The following ZNF385B variants were observed in gnomAD, a reference collection of about 807,000 sequenced individuals.
ZNF385B encodes zinc finger protein 533.
ZNF385B carries 23 observed loss-of-function variants against 39.2 expected under a neutral mutation model. That is an observed-to-expected ratio of 0.59 (90% CI 0.42 to 0.83). The LOEUF is 0.83. ZNF385B is among the 40% of genes least tolerant of loss of function. The pLI is 0.00. For missense variants in ZNF385B, 552 were observed against 598.9 expected, an observed-to-expected ratio of 0.92 and a Z score of 0.82; for synonymous variants, 205 against 222.6, an observed-to-expected ratio of 0.92 and a Z score of 0.70.
chr2:179,818,607 T>A (rs1218090183), intron 1 of ZNF385B, among the ~76,000 whole-genome samples: 1 of 152,128 alleles, frequency 6.6e-6, no homozygotes, highest in Non-Finnish European at 1.5e-5. Context: ...GCAAGAAACG[T>A]TTCAGCTTTC....
At chr2:179,467,020 T>TGGCATTA (rs1298601191) in intron 6 of ZNF385B, among the ~76,000 whole-genome samples, 1 of 149,352 alleles carries the variant, frequency 6.7e-6, no homozygotes, top group Non-Finnish European at 1.5e-5. Context: ...GAATGTCCTG[T>TGGCATTA]GGCATTATTT....
At chr2:179,557,560 TTATA>T (rs1559473164) in intron 3 of ZNF385B, among the ~76,000 whole-genome samples, 1 of 105,158 alleles carries the variant, frequency 9.5e-6, no homozygotes, top group Admixed American at 1.0e-4. Flanking sequence ...TATATACATG[TTATA>T]TATGTATGTT....
At chr2:179,607,908 CTTTTTTT>C (rs71029822) in intron 3 of ZNF385B, among the ~76,000 whole-genome samples, 4 of 97,452 alleles carry the variant, frequency 4.1e-5, no homozygotes, top group Non-Finnish European at 3.9e-5. Context: ...CTCAGAAACT[CTTTTTTT>C]TTTTTTTTTT....
At chr2:179,614,563 A>G (rs1224465434) in intron 3 of ZNF385B, among the ~76,000 whole-genome samples, 3 of 152,200 alleles carry the variant, frequency 2.0e-5, no homozygotes, top group Non-Finnish European at 2.9e-5. Context: ...ATACACTTGT[A>G]TTACTCCAGT....
At chr2:179,578,314 A>G (rs565633174) in intron 3 of ZNF385B, among the ~76,000 whole-genome samples, 1 of 152,250 alleles carries the variant, frequency 6.6e-6, no homozygotes, top group South Asian at 2.1e-4. Context: ...TACAAGGGCA[A>G]TAAATGAGTT....
At chr2:179,780,663 A>C (rs1441666861) in intron 1 of ZNF385B, among the ~76,000 whole-genome samples, 1 of 152,162 alleles carries the variant, frequency 6.6e-6, no homozygotes, top group Non-Finnish European at 1.5e-5. Context: ...TCTCTAAGAA[A>C]ATTTTTTATT....
intron 3 of ZNF385B, among the ~76,000 whole-genome samples, chr2:179,692,086 C>G (rs1698398546): frequency 6.6e-6 from 1 of 152,028 alleles, no homozygotes; most frequent in African/African-American, 2.4e-5. Context: ...ATTGTACTAC[C>G]AAACACTAGA....
chr2:179,816,354 C>T (rs574119346), intron 1 of ZNF385B, among the ~76,000 whole-genome samples: 7 of 152,288 alleles, frequency 4.6e-5, no homozygotes, highest in Admixed American at 1.3e-4. Flanking sequence ...CCTTGGTCCC[C>T]GCCGAAGGGA....
chr2:179,582,492 A>G lies in ZNF385B; in HGVS notation c.299-37523T>C, dbSNP rs118063799. ...ACACTGAGCATGCACGATAACTCAG[A>G]AACAGATCAGATGGGGTTTTTTGAG... On this transcript the variant is annotated intron_variant, in intron 3 of 9. Transcript: ENST00000410066. 3.9e-5 allele frequency among the ~76,000 whole-genome samples: 6 copies of G among 152,294 alleles called. No individual in the cohort carries two copies. The East Asian group carries it at 1.2e-3, about 29-fold the overall frequency.
chr2:179,513,146 T>C (rs2057810486), intron 5 of ZNF385B, among the ~76,000 whole-genome samples: 1 of 152,208 alleles, frequency 6.6e-6, no homozygotes, highest in Admixed American at 6.5e-5. Flanking sequence ...CAGGCTGATT[T>C]AGAAATGTTA....
chr2:179,745,684 C>A, intron 3 of ZNF385B: 2 of 1,531,282 alleles, frequency 1.3e-6, no homozygotes, highest in Admixed American at 2.1e-5. Flanking sequence ...CAGACCCCAG[C>A]ATCCAAGTTT....
intron 3 of ZNF385B, 56 bp downstream of exon 3, chr2:179,769,447 C>G (rs964268321): frequency 6.3e-7 from 1 of 1,595,398 alleles, no homozygotes; most frequent in Non-Finnish European, 8.5e-7. Context: ...CCTTCATTTT[C>G]CAGACCAGGA....
At chr2:179,647,665 T>C (rs191964419) in intron 3 of ZNF385B, among the ~76,000 whole-genome samples, 29 of 152,280 alleles carry the variant, frequency 1.9e-4, no homozygotes, top group Non-Finnish European at 5.9e-5. Flanking sequence ...ATACAGAATG[T>C]TCCTATAGGG....
chr2:179,735,773 A>G (rs1701707511), intron 3 of ZNF385B, among the ~76,000 whole-genome samples: 1 of 151,034 alleles, frequency 6.6e-6, no homozygotes, highest in Non-Finnish European at 1.5e-5. Flanking sequence ...TCAGTAAACT[A>G]TCTCAAGAAC....
At chr2:179,760,713 G>A (rs1355617660) in intron 3 of ZNF385B, among the ~76,000 whole-genome samples, 2 of 152,018 alleles carry the variant, frequency 1.3e-5, no homozygotes, top group African/African-American at 2.4e-5. Flanking sequence ...TAAACCCAAC[G>A]GCAAGCATCC....
chr2:179,651,833 G>C (rs545310151), intron 3 of ZNF385B, among the ~76,000 whole-genome samples: 1 of 152,248 alleles, frequency 6.6e-6, no homozygotes, highest in South Asian at 2.1e-4. Context: ...CAGTCTCTGT[G>C]GATGTTGTGG....
At chr2:179,594,369 C>T (rs575410583) in intron 3 of ZNF385B, among the ~76,000 whole-genome samples, 1 of 152,286 alleles carries the variant, frequency 6.6e-6, no homozygotes, top group South Asian at 2.1e-4. Context: ...TCTCAAATGG[C>T]AGTATGCTAA....
chr2:179,676,659 A>G (rs958699494), intron 3 of ZNF385B, among the ~76,000 whole-genome samples: 2 of 152,216 alleles, frequency 1.3e-5, no homozygotes, highest in Non-Finnish European at 2.9e-5. Flanking sequence ...CTGAGAGATG[A>G]CAGTAGCCTG....
chr2:179,568,146 C>G (rs1684805074), intron 3 of ZNF385B, among the ~76,000 whole-genome samples: 1 of 152,164 alleles, frequency 6.6e-6, no homozygotes, highest in Non-Finnish European at 1.5e-5. Flanking sequence ...TCCTTCCTCT[C>G]TCTTTCCCAA....
Sources: allele counts gnomAD v4.1 joint callset (sites outside exome capture counted in the v4.1 genomes callset), GRCh38; gene constraint gnomAD v4.1.1; transcripts MANE v1.5; gene names NCBI Gene and HGNC (gene_info 2026-07-23, HGNC 2026-07-21).